ZNF875: variants seen among roughly 807,000 people sequenced by gnomAD.
The protein encoded by ZNF875 is zinc finger protein 875.
Under a neutral mutation model 11.2 loss-of-function variants are expected in ZNF875, and 14 were observed. That is an observed-to-expected ratio of 1.26 (90% CI 0.83 to 1.96). The LOEUF is 1.96. Among genes scored for constraint, ZNF875 ranks in the 30% most tolerant of loss-of-function variants. The probability of loss-of-function intolerance (pLI) is 0.00; values close to 1 mark genes in which losing one functional copy is unlikely to be tolerated. For missense variants in ZNF875, 752 were observed against 760.4 expected (o/e 0.99, Z 0.13); for synonymous variants, 301 against 281.1 (o/e 1.07, Z -0.71).
upstream of ZNF875, among the ~76,000 whole-genome samples, chr19:37,332,974 C>G (rs7257495): frequency 0.27 from 41,595 of 151,992 alleles, 7,141 homozygotes; most frequent in African/African-American, 0.48. Context: ...TATCACCTTT[C>G]ATTTAAATGA....
At chr19:37,317,617 A>G (rs1361109279), upstream of ZNF875, among the ~76,000 whole-genome samples, 2 of 152,216 alleles carry the variant, frequency 1.3e-5, no homozygotes, top group Admixed American at 1.3e-4. Context: ...ATCAACTATT[A>G]CTGCAAAGTT....
Position 37,362,728 on chromosome 19 carries a change from G to A in ZNF875, c.876G>A (p.Thr292=), listed in dbSNP as rs555011193. ...YVCRECGRGF[T]WKSNLITHQR... ...GCAGGGAATGTGGGCGAGGCTTTAC[G>A]TGGAAGTCAAACCTGATCACACATC... The change falls in exon 5 of 5, where the codon ACG becomes ACA. Residue 292 remains threonine (T), a synonymous_variant. Transcript: ENST00000392153. 8.1e-6 allele frequency: 13 copies of A among 1,608,298 alleles called. No homozygotes were observed. The highest frequency in any genetic ancestry group is 4.5e-5 in the East Asian group (2 of 44,606).
At chr19:37,322,540 CTG>C (rs2145692052) in intron 2 of ZNF875, among the ~76,000 whole-genome samples, 1 of 152,282 alleles carries the variant, frequency 6.6e-6, no homozygotes, top group East Asian at 1.9e-4. Flanking sequence ...CAGTATATGC[CTG>C]GGACTCTGGC....
intron 4 of ZNF875, among the ~76,000 whole-genome samples, chr19:37,358,246 A>G (rs1456148330): frequency 7.3e-6 from 1 of 136,410 alleles, no homozygotes; most frequent in East Asian, 2.2e-4. Context: ...CCAGGTTCAC[A>G]CTATTCTCCT....
chr19:37,357,182 T>C (rs1375087689), intron 4 of ZNF875, among the ~76,000 whole-genome samples: 1 of 152,248 alleles, frequency 6.6e-6, no homozygotes, highest in East Asian at 1.9e-4. Context: ...TAGATCTATA[T>C]GTCTATTTTT....
upstream of ZNF875, chr19:37,317,183 T>TG (rs1282459867): frequency 3.2e-5 from 4 of 126,478 alleles, no homozygotes; most frequent in African/African-American, 1.2e-4. Flanking sequence ...AACCTGGTTT[T>TG]TTTTTTTTTT....
chr19:37,325,655 C>T (rs1410725500), intron 4 of ZNF875, among the ~76,000 whole-genome samples: 6 of 151,860 alleles, frequency 4.0e-5, no homozygotes, highest in Non-Finnish European at 7.4e-5. Context: ...AAGAGATCCT[C>T]CTACCTCAGC....
chr19:37,319,810 A>G (rs2031006382), intron 1 of ZNF875, among the ~76,000 whole-genome samples: 1 of 152,076 alleles, frequency 6.6e-6, no homozygotes, highest in Non-Finnish European at 1.5e-5. Context: ...TCTCTTGTCT[A>G]CACTTGAGTT....
At chr19:37,322,934 C>G (rs1486977552) in intron 2 of ZNF875, among the ~76,000 whole-genome samples, 8 of 152,102 alleles carry the variant, frequency 5.3e-5, no homozygotes, top group Non-Finnish European at 1.2e-4. Flanking sequence ...CCACCTCCCA[C>G]CTCCACGAAA....
chr19:37,360,207 C>A (rs1394251667), intron 4 of ZNF875, among the ~76,000 whole-genome samples: 2 of 152,180 alleles, frequency 1.3e-5, no homozygotes, highest in Non-Finnish European at 1.5e-5. Context: ...ATTACCTTGG[C>A]ACCTTTATCA....
At position 37,334,654 on chromosome 19, in the gene ZNF875, CG is replaced by C; in HGVS notation, c.-183del. The C allele has an allele frequency of 2.2e-6, 1 of 455,936 alleles. No homozygotes were observed. The highest frequency in any genetic ancestry group is 4.4e-6 in the Non-Finnish European group (1 of 226,730). 28.2% of individuals were successfully genotyped at this position (455,936 alleles called of 1,614,324 possible). On this transcript the variant is annotated 5_prime_UTR_variant, in exon 1 of 5. Transcript: ENST00000392153. Reference sequence around the variant, plus strand: ...GTAGCGTTGACGTCAGAAACACTTCCGGTCGGTGGCCCAGGCGCGTTAAGCT... The same window carrying C: ...GTAGCGTTGACGTCAGAAACACTTCCGTCGGTGGCCCAGGCGCGTTAAGCT...
At chr19:37,361,122 T>A (rs1343491612) in intron 4 of ZNF875, among the ~76,000 whole-genome samples, 1 of 147,292 alleles carries the variant, frequency 6.8e-6, no homozygotes, top group Non-Finnish European at 1.5e-5. Flanking sequence ...TTTTTTTTTT[T>A]TTTTTTTGAG....
chr19:37,321,020 A>C (rs7259027), intron 1 of ZNF875, among the ~76,000 whole-genome samples: 3,889 of 152,302 alleles, frequency 0.026, 181 homozygotes, highest in African/African-American at 0.085. Flanking sequence ...TGAAGGCAGC[A>C]TGCTTGTTAA....
At chr19:37,325,360 C>G (rs1319349257) in intron 4 of ZNF875, among the ~76,000 whole-genome samples, 4 of 152,120 alleles carry the variant, frequency 2.6e-5, no homozygotes, top group African/African-American at 9.7e-5. Context: ...CCATTTCTCT[C>G]CAGAGCAGTG....
At chr19:37,320,596 G>C (rs2031220428) in intron 1 of ZNF875, among the ~76,000 whole-genome samples, 2 of 152,340 alleles carry the variant, frequency 1.3e-5, no homozygotes, top group Non-Finnish European at 2.9e-5. Flanking sequence ...TGGCACAAGG[G>C]TAGCCCACTT....
intron 1 of ZNF875, among the ~76,000 whole-genome samples, chr19:37,321,655 G>A (rs144086601): frequency 1.6e-3 from 251 of 152,242 alleles, no homozygotes; most frequent in African/African-American, 5.9e-3. Context: ...AACACCCTCA[G>A]GTGTGGAGGG....
At position 37,363,271 on chromosome 19, in the gene ZNF875, G is replaced by T. The variant is rs767378675; in HGVS notation, c.1419G>T (p.Thr473=). 3 of 1,612,358 alleles carry T rather than the reference G, an allele frequency of 1.9e-6. No individual in the cohort carries two copies. The highest frequency in any genetic ancestry group is 2.5e-6 in the Non-Finnish European group (3 of 1,179,388). Reference sequence around the variant, plus strand: ...TTAACAAACACCAGAGGTCACACACGGGGGAGAAGCCATTTGTATGTACGG... The same window carrying T: ...TTAACAAACACCAGAGGTCACACACTGGGGAGAAGCCATTTGTATGTACGG... The part of the protein sequence containing the change: ...SNLNKHQRSH[T]GEKPFVCTEC... Residue 473 remains threonine (T), a synonymous_variant, in exon 5 of 5, where the codon ACG becomes ACT. Transcript: ENST00000392153.
At chr19:37,329,198 A>AT (rs1456457103) in intron 4 of ZNF875, 1 of 152,144 alleles carries the variant, frequency 6.6e-6, no homozygotes, top group African/African-American at 2.4e-5. Context: ...GGAATCCCTG[A>AT]TCCCTGTTGC....
intron 2 of ZNF875, chr19:37,337,687 C>T (rs1223547884): frequency 1.3e-5 from 2 of 152,166 alleles, no homozygotes; most frequent in Non-Finnish European, 1.5e-5. Flanking sequence ...TGGTGGTCCG[C>T]CTGCCTCGGC....
Sources: gnomAD v4.1 joint callset for allele counts (sites outside exome capture counted in the v4.1 genomes callset) on GRCh38, gnomAD v4.1.1 for gene constraint, MANE v1.5 for transcripts, NCBI Gene and HGNC (gene_info 2026-07-23, HGNC 2026-07-21) for gene names.